COL11A2: variants seen among roughly 807,000 people sequenced by gnomAD.
COL11A2 encodes the protein collagen type XI alpha 2 chain, also known as collagen alpha-2(XI) chain.
In COL11A2, 116 loss-of-function variants were observed where a neutral mutation model predicts 273.4. The ratio of observed to expected loss-of-function variants is 0.42; its 90% confidence interval spans 0.36 to 0.49. The LOEUF is 0.49. COL11A2 is among the 20% of genes least tolerant of loss of function. The pLI, the probability that COL11A2 is intolerant of heterozygous loss-of-function variation, is 0.00. For missense variants in COL11A2, 1,866 were observed against 2,309.0 expected (o/e 0.81, Z 3.93); for synonymous variants, 782 against 864.2 (o/e 0.90, Z 1.67).
intron 6 of COL11A2, 100 bp downstream of exon 6, chr6:33,185,601 C>G: frequency 1.9e-6 from 1 of 535,388 alleles, no homozygotes; most frequent in South Asian, 1.4e-5. Context: ...CACACTGTGC[C>G]TCTCCCCACG....
At position 33,167,765 on chromosome 6, in the gene COL11A2, G is replaced by C. The variant is rs751130576; in HGVS notation, c.4014+34C>G. 155 of 1,611,916 alleles carry C rather than the reference G, an allele frequency of 9.6e-5. No homozygotes were observed. The highest frequency in any genetic ancestry group is 2.8e-4 in the Admixed American group (17 of 59,920). On this transcript the variant is annotated intron_variant, in intron 55 of 65. Transcript: ENST00000341947. The surrounding 1 kb of genome is among the most constrained non-coding windows in gnomAD (Gnocchi z 6.1). ...GCATCTGAGGGGTGGGAGGCGGAGGGGATGCTCCAGCACTAGGGCAGCCTG... is the reference window on the plus strand; with the variant it reads ...GCATCTGAGGGGTGGGAGGCGGAGGCGATGCTCCAGCACTAGGGCAGCCTG...
chr6:33,172,387 A>G lies in COL11A2; in HGVS notation c.2899-9T>C. 1 of 1,579,754 alleles carries G rather than the reference A, an allele frequency of 6.3e-7. No individual in the cohort carries two copies. On this transcript the variant is annotated splice_polypyrimidine_tract_variant and intron_variant, in intron 39 of 65. Coordinates refer to ENST00000341947, the MANE Select transcript of COL11A2 (RefSeq NM_080680.3). ...GGGGGACCAGGGTCACCCTAAAAGG[A>G]AAGGAGAGGTGATGAGCCACAGCCA...
chr6:33,177,771 C>T lies in COL11A2; in HGVS notation c.1873-65G>A, dbSNP rs1360620501. 1 of 1,561,266 alleles carries T rather than the reference C, an allele frequency of 6.4e-7. No individual in the cohort carries two copies. Among genetic ancestry groups the T allele is most frequent in the South Asian group, 1.1e-5 (1 of 89,460 alleles). ...CGGAGGGACCTGTGGTTTTCAGAGG[C>T]CCGGCCATTCCCGAGGGTGTGACGG... On this transcript the variant is annotated intron_variant, in intron 21 of 65. Coordinates refer to ENST00000341947, the MANE Select transcript of COL11A2 (RefSeq NM_080680.3). This position sits in a 1 kb window ranked among gnomAD's most constrained non-coding sequence, Gnocchi z 5.9.
At chr6:33,184,728 T>C (rs934659197) in intron 7 of COL11A2, among the ~76,000 whole-genome samples, 2 of 152,070 alleles carry the variant, frequency 1.3e-5, no homozygotes, top group Non-Finnish European at 2.9e-5. Flanking sequence ...AGTAAGACCA[T>C]TAGACACCAA....
intron 5 of COL11A2, among the ~76,000 whole-genome samples, chr6:33,186,203 C>T (rs1772402283): frequency 6.6e-6 from 1 of 151,908 alleles, no homozygotes; most frequent in Non-Finnish European, 1.5e-5. Flanking sequence ...CTTCTGCAGA[C>T]CCACCCCTCC....
rs1769964436 is a variant in COL11A2, at chr6:33,170,988, A to G, written c.3367-71T>C. 6.3e-7 allele frequency: 1 copy of G among 1,585,038 alleles called. No homozygotes were observed. The highest frequency in any genetic ancestry group is 8.7e-7 in the Non-Finnish European group (1 of 1,155,642). ...ATGGGTCAGGTGTTCTCTATCCACAAATACCACACACAGCTGGGTGCCAGG... is the reference window on the plus strand; with the variant it reads ...ATGGGTCAGGTGTTCTCTATCCACAGATACCACACACAGCTGGGTGCCAGG... On this transcript the variant is annotated intron_variant, in intron 45 of 65. Transcript: ENST00000341947. This position sits in a 1 kb window ranked among gnomAD's most constrained non-coding sequence, Gnocchi z 4.3.
At position 33,173,123 on chromosome 6, in the gene COL11A2, G is replaced by A. The variant is rs532758934; in HGVS notation, c.2737-10C>T. 3.4e-5 allele frequency: 55 copies of A among 1,610,246 alleles called. No homozygotes were observed. The East Asian group carries it at 1.2e-3, about 36-fold the overall frequency. On this transcript the variant is annotated splice_polypyrimidine_tract_variant and intron_variant, in intron 37 of 65. Transcript: ENST00000341947. The surrounding 1 kb of genome is among the most constrained non-coding windows in gnomAD (Gnocchi z 6.3). Reference sequence around the variant, plus strand: ...TCTTCCCTTGGAAACCCTAGGCGAGGAAGAGAGGAGAATGCAGTGAAAGCA... The same window carrying A: ...TCTTCCCTTGGAAACCCTAGGCGAGAAAGAGAGGAGAATGCAGTGAAAGCA...
rs2855418 is a variant in COL11A2, at chr6:33,179,882, C to A, written c.1360-77G>T. The A allele has an allele frequency of 1.5e-6, 2 of 1,363,272 alleles. No individual in the cohort carries two copies. Among genetic ancestry groups the A allele is most frequent in the East Asian group, 2.3e-5 (1 of 43,716 alleles). 84.4% of individuals were successfully genotyped at this position (1,363,272 alleles called of 1,614,324 possible). A position where few individuals can be genotyped will look rare whatever the true frequency, so the allele number is the denominator to read the frequency against. On this transcript the variant is annotated intron_variant, in intron 12 of 65. Transcript: ENST00000341947. The surrounding 1 kb of genome is among the most constrained non-coding windows in gnomAD (Gnocchi z 6.4). Reference sequence around the variant, plus strand: ...CCTCCCAGCCAGAGGCTTTCTCCAGCGTTTCTGCCCCTTGCCCCAGGTTCT... The same window carrying A: ...CCTCCCAGCCAGAGGCTTTCTCCAGAGTTTCTGCCCCTTGCCCCAGGTTCT...
chr6:33,172,016 G>T (rs756667650), intron 41 of COL11A2, 34 bp downstream of exon 41: 12 of 1,612,390 alleles, frequency 7.4e-6, no homozygotes, highest in Non-Finnish European at 1.0e-5. Context: ...CCTTTCCCGG[G>T]TCCTTCCTAC....
rs200548977 is a variant in COL11A2 at position 33,163,825 on chromosome 6, G to C, written c.5071-7C>G. 2.0e-4 allele frequency: 315 copies of C among 1,612,790 alleles called. No homozygotes were observed. The highest frequency in any genetic ancestry group is 2.6e-4 in the Non-Finnish European group (310 of 1,179,928). On this transcript the variant is annotated splice_polypyrimidine_tract_variant and splice_region_variant and intron_variant, in intron 65 of 65. Transcript: ENST00000341947. The surrounding 1 kb of genome is among the most constrained non-coding windows in gnomAD (Gnocchi z 4.1). The stretch of plus-strand genomic sequence containing the variant: ...CCGTCCGGCCTTGCTGTGTCTTCAG[G>C]GGGAGACAAGGAAGAAAGTGTGAGC...
At chr6:33,185,878 G>T (rs1222674875) in intron 5 of COL11A2, 100 bp from the exon 6 acceptor site, 8 of 448,956 alleles carry the variant, frequency 1.8e-5, no homozygotes, top group Non-Finnish European at 3.2e-5. Flanking sequence ...TGTGGGAGTT[G>T]GGAAACGGGG....
rs1403679560 is a variant in COL11A2, at chr6:33,176,906, T to A, written c.2070+86A>T. On this transcript the variant is annotated intron_variant, in intron 25 of 65. Coordinates refer to ENST00000341947, the MANE Select transcript of COL11A2 (RefSeq NM_080680.3). This position sits in a 1 kb window ranked among gnomAD's most constrained non-coding sequence, Gnocchi z 4.9. ...ACAAGCACCACCAGTGACCTTTCAG[T>A]GCAAGGGTCACTAAAGGAGCTCTGA... 1 of 1,534,756 alleles carries A rather than the reference T, an allele frequency of 6.5e-7. No homozygotes were observed. The highest frequency in any genetic ancestry group is 8.9e-7 in the Non-Finnish European group (1 of 1,123,664).
chr6:33,186,538 G>A (rs748579873), intron 5 of COL11A2, 89 bp downstream of exon 5: 1 of 1,608,736 alleles, frequency 6.2e-7, no homozygotes, highest in Non-Finnish European at 8.5e-7. Flanking sequence ...GGGAGATGAG[G>A]GTGGGGAGGA....
In COL11A2 at chr6:33,170,345, G is replaced by A; in HGVS notation, c.3563C>T (p.Ala1188Val). ...PPGPPGPRGP[A>V]GPNGADGPQG... is the part of the protein sequence containing the mutation. ...ACTCACATCAGCGCCATTGGGTCCA[G>A]CTGGACCTCGAGGTCCTGGGGGGCC... Residue 1188 changes from alanine (A) to valine (V), a missense_variant, in exon 48 of 66, where the codon GCT becomes GTT. Ala to Val is a moderately conservative substitution (Grantham distance 64). Transcript: ENST00000341947. This position sits in a 1 kb window ranked among gnomAD's most constrained non-coding sequence, Gnocchi z 4.3. The A allele has an allele frequency of 6.2e-7, 1 of 1,613,916 alleles. No homozygotes were observed. The highest frequency in any genetic ancestry group is 8.5e-7 in the Non-Finnish European group (1 of 1,179,948).
Position 33,181,187 on chromosome 6 carries a change from T to C in COL11A2, c.1120-17A>G. 6.2e-7 allele frequency: 1 copy of C among 1,614,128 alleles called. No homozygotes were observed. The highest frequency in any genetic ancestry group is 2.2e-5 in the East Asian group (1 of 44,882). The stretch of plus-strand genomic sequence containing the variant: ...ATGGGCAGCCTGAAGGAGACACACA[T>C]GTAGCCCCCAGTGGGGCCCGTGAGC... On this transcript the variant is annotated splice_polypyrimidine_tract_variant and intron_variant, in intron 8 of 65. Transcript: ENST00000341947.
Position 33,168,529 on chromosome 6 carries a change from A to G in COL11A2, c.3950T>C (p.Leu1317Pro), listed in dbSNP as rs145871842. 4.2e-5 allele frequency: 67 copies of G among 1,613,318 alleles called. No homozygotes were observed. Among genetic ancestry groups the G allele is most frequent in the Non-Finnish European group, 5.5e-5 (65 of 1,179,874 alleles). ...PTGENGPPGP[L>P]GKRGPAGSPG... ...GTCCACCTCACTTACTCGCTTTCCAAGTGGCCCTGGGGGTCCATTCTCCCC... is the reference window on the plus strand; with the variant it reads ...GTCCACCTCACTTACTCGCTTTCCAGGTGGCCCTGGGGGTCCATTCTCCCC... The change falls in exon 54 of 66, where the codon CTT (leucine) becomes CCT (proline). Residue 1317 changes from leucine (L) to proline (P), a missense_variant. Coordinates refer to ENST00000341947, the MANE Select transcript of COL11A2 (RefSeq NM_080680.3).
rs753389542 is a variant in COL11A2 at position 33,176,243 on chromosome 6, G to C, written c.2214+16C>G. 1.2e-6 allele frequency: 2 copies of C among 1,608,558 alleles called. No homozygotes were observed. The highest frequency in any genetic ancestry group is 1.7e-5 in the Admixed American group (1 of 59,210). ...GCAGGACTGAGGTGCTGGGAAGCTG[G>C]GGGCATGGTGCTCACCTTCTCACCC... On this transcript the variant is annotated intron_variant, in intron 28 of 65. Coordinates refer to ENST00000341947, the MANE Select transcript of COL11A2 (RefSeq NM_080680.3). The surrounding 1 kb of genome is among the most constrained non-coding windows in gnomAD (Gnocchi z 4.9).
rs1363681739 is a variant in COL11A2 at position 33,180,151 on chromosome 6, T to A, written c.1359+107A>T. ...CCTTTGGAGTGATGATCTTTGATGA[T>A]CTTTAGAGACTCCTCCATATCTTTC... On this transcript the variant is annotated intron_variant, in intron 12 of 65. Transcript: ENST00000341947. 6.8e-6 allele frequency: 8 copies of A among 1,178,328 alleles called. No homozygotes were observed. In the East Asian group the frequency reaches 1.9e-4, roughly 27 times the overall value. 73.0% of individuals were successfully genotyped at this position (1,178,328 alleles called of 1,614,324 possible). A position where few individuals can be genotyped will look rare whatever the true frequency, so the allele number is the denominator to read the frequency against.
chr6:33,185,349 C>A (rs1317529982), intron 6 of COL11A2, among the ~76,000 whole-genome samples: 2 of 152,134 alleles, frequency 1.3e-5, no homozygotes, highest in Non-Finnish European at 2.9e-5. Flanking sequence ...GCCCTCCGAG[C>A]TGGGCATCGG....
Sources: allele counts gnomAD v4.1 joint callset (sites outside exome capture counted in the v4.1 genomes callset), GRCh38; gene constraint gnomAD v4.1.1; non-coding constraint Gnocchi (gnomAD v3.1); transcripts MANE v1.5; gene names NCBI Gene and HGNC (gene_info 2026-07-23, HGNC 2026-07-21).